The following XRCC5 variants were observed in gnomAD, a reference collection of about 807,000 sequenced individuals.
The protein encoded by XRCC5 is X-ray repair cross complementing 5, also known as DNA repair protein Ku80.
A neutral mutation model predicts 95.7 loss-of-function variants in XRCC5; 12 were observed. The ratio of observed to expected loss-of-function variants is 0.13; its 90% CI spans 0.08 to 0.20. XRCC5 has a LOEUF of 0.20. Ranked by LOEUF, XRCC5 falls within the 10% of genes least tolerant of loss-of-function variation. The pLI, the probability that XRCC5 is intolerant of heterozygous loss-of-function variation, is 1.00. For synonymous variants in XRCC5, 281 were observed against 290.3 expected (o/e 0.97, Z 0.33); for missense variants, 595 against 873.9 (o/e 0.68, Z 4.02).
rs571392034 is a variant in XRCC5 at position 216,169,413 on chromosome 2, A to G, written c.1834+7365A>G. 1.3e-4 allele frequency among the ~76,000 whole-genome samples: 20 copies of G among 152,332 alleles called. No individual in the cohort carries two copies. In the South Asian group the frequency reaches 3.9e-3, roughly 30 times the overall value. ...GTCCGTGGTTGGTGGTCTTCTTATC[A>G]GGAGAAAGTTACCGAAATCACTCTC... is the stretch of plus-strand genomic sequence containing the variant. On this transcript the variant is annotated intron_variant, in intron 16 of 20. Transcript: ENST00000392132.
intron 14 of XRCC5, among the ~76,000 whole-genome samples, chr2:216,152,462 T>A (rs969392425): frequency 2.6e-5 from 4 of 151,664 alleles, no homozygotes; most frequent in Non-Finnish European, 4.4e-5. Flanking sequence ...AGAAAAAAAT[T>A]TGGGTGGGAA....
intron 1 of XRCC5, among the ~76,000 whole-genome samples, chr2:216,110,129 T>A (rs1365511520): frequency 6.6e-6 from 1 of 152,186 alleles, no homozygotes; most frequent in Non-Finnish European, 1.5e-5. Context: ...CCTGGTGAAA[T>A]CCGGATTTGA....
chr2:216,133,402 CT>C (rs1697024115), intron 10 of XRCC5, among the ~76,000 whole-genome samples: 1 of 152,204 alleles, frequency 6.6e-6, no homozygotes. Flanking sequence ...CCTGGAACCT[CT>C]GGGCTCAAGC....
chr2:216,203,660 G>A (rs1309129072), intron 19 of XRCC5, among the ~76,000 whole-genome samples: 1 of 152,144 alleles, frequency 6.6e-6, no homozygotes, highest in Non-Finnish European at 1.5e-5. Flanking sequence ...CAGTGATGCT[G>A]AATGGTTTTC....
intron 16 of XRCC5, chr2:216,176,010 C>G (rs748160896): frequency 3.7e-4 from 80 of 214,222 alleles, no homozygotes; most frequent in Non-Finnish European, 6.6e-4. Context: ...CTAGGGGCAA[C>G]CGGGTAGTGG....
intron 1 of XRCC5, chr2:216,111,471 C>T: frequency 2.3e-6 from 1 of 428,916 alleles, no homozygotes; most frequent in African/African-American, 2.0e-5. Flanking sequence ...CAGTAGTGAG[C>T]CATGATCATG....
intron 16 of XRCC5, among the ~76,000 whole-genome samples, chr2:216,184,830 C>T (rs1341099603): frequency 1.3e-5 from 2 of 152,192 alleles, no homozygotes; most frequent in African/African-American, 2.4e-5. Flanking sequence ...TTAAAAGAGG[C>T]CATCCCCTTG....
intron 8 of XRCC5, among the ~76,000 whole-genome samples, chr2:216,130,261 C>T (rs1407926208): frequency 6.8e-6 from 1 of 146,606 alleles, no homozygotes; most frequent in African/African-American, 2.5e-5. Flanking sequence ...TTTAAGAAGC[C>T]GAGAGCCTAT....
intron 16 of XRCC5, among the ~76,000 whole-genome samples, chr2:216,188,387 C>G (rs536453788): frequency 1.3e-5 from 2 of 152,316 alleles, no homozygotes; most frequent in South Asian, 4.1e-4. Context: ...AAGGCAAGGG[C>G]CTTGTCTTCA....
chr2:216,174,953 C>T, intron 16 of XRCC5: 1 of 323,136 alleles, frequency 3.1e-6, no homozygotes, highest in South Asian at 3.2e-5. Flanking sequence ...CCACCACCAC[C>T]ACAGGAACTC....
intron 14 of XRCC5, among the ~76,000 whole-genome samples, chr2:216,154,307 C>T (rs1485136570): frequency 1.3e-5 from 2 of 152,190 alleles, no homozygotes; most frequent in Admixed American, 1.3e-4. Flanking sequence ...AAACTTTCTT[C>T]AGGCTTAGTT....
At chr2:216,112,957 T>C in intron 1 of XRCC5, 59 bp from the exon 2 acceptor site, 3 of 1,338,230 alleles carry the variant, frequency 2.2e-6, no homozygotes, top group Non-Finnish European at 3.2e-6. Context: ...CAAGGGACAT[T>C]CTTACAGTCT....
chr2:216,137,713 T>C (rs1316342449), intron 11 of XRCC5, among the ~76,000 whole-genome samples: 1 of 152,198 alleles, frequency 6.6e-6, no homozygotes, highest in Non-Finnish European at 1.5e-5. Context: ...TAAAATACAG[T>C]TCTAAATTCC....
At chr2:216,182,008 G>A (rs1243697092) in intron 16 of XRCC5, among the ~76,000 whole-genome samples, 2 of 152,162 alleles carry the variant, frequency 1.3e-5, no homozygotes, top group African/African-American at 2.4e-5. Flanking sequence ...GTTTTTAGAA[G>A]GAGTTATCAC....
chr2:216,172,307 C>A (rs1360917206), intron 16 of XRCC5, among the ~76,000 whole-genome samples: 1 of 151,718 alleles, frequency 6.6e-6, no homozygotes, highest in East Asian at 1.9e-4. Context: ...TATTTCATAA[C>A]TAAAAAGTTA....
intron 7 of XRCC5, 87 bp downstream of exon 7, chr2:216,126,118 T>C (rs530003157): frequency 9.6e-7 from 1 of 1,039,674 alleles, no homozygotes; most frequent in Non-Finnish European, 1.4e-6. Flanking sequence ...ATGTGTGTGT[T>C]ACTCGGAACC....
intron 16 of XRCC5, among the ~76,000 whole-genome samples, chr2:216,170,978 T>C (rs1359729567): frequency 6.6e-6 from 1 of 152,256 alleles, no homozygotes; most frequent in Non-Finnish European, 1.5e-5. Context: ...GATTGCTCCT[T>C]AAGCCCAGCT....
intron 2 of XRCC5, among the ~76,000 whole-genome samples, chr2:216,113,803 C>T (rs769975643): frequency 2.6e-5 from 4 of 152,230 alleles, no homozygotes; most frequent in Non-Finnish European, 5.9e-5. Context: ...TCAATTTTCA[C>T]ATGAAGCAGC....
intron 16 of XRCC5, among the ~76,000 whole-genome samples, chr2:216,188,596 A>G (rs941435791): frequency 1.4e-4 from 22 of 152,168 alleles, no homozygotes; most frequent in African/African-American, 4.1e-4. Context: ...TTGTGCCCAA[A>G]TATGTAACCT....
Sources: gnomAD v4.1 joint callset for allele counts (sites outside exome capture counted in the v4.1 genomes callset) on GRCh38, gnomAD v4.1.1 for gene constraint, MANE v1.5 for transcripts, NCBI Gene and HGNC (gene_info 2026-07-23, HGNC 2026-07-21) for gene names.